RGPD4: variants seen among roughly 807,000 people sequenced by gnomAD.
RGPD4 encodes RANBP2 like and GRIP domain containing 4.
Under a neutral mutation model 141.1 loss-of-function variants are expected in RGPD4, and 84 were observed. The ratio of observed to expected loss-of-function variants is 0.60; its 90% CI spans 0.50 to 0.71. RGPD4 has a LOEUF of 0.71. Ranked by LOEUF, RGPD4 falls within the 30% of genes least tolerant of loss-of-function variation. The pLI, the probability that RGPD4 is intolerant of heterozygous loss-of-function variation, is 0.00. For missense variants in RGPD4, 918 were observed against 1,622.4 expected (o/e 0.57, Z 7.46); for synonymous variants, 298 against 566.8 (o/e 0.53, Z 6.74).
At chr2:107,888,856 G>A (rs1474511751) in intron 22 of RGPD4, among the ~76,000 whole-genome samples, 2 of 143,854 alleles carry the variant, frequency 1.4e-5, no homozygotes, top group Non-Finnish European at 3.0e-5. Flanking sequence ...GCCTTCAGAT[G>A]AGACCCCAGC....
intron 21 of RGPD4, among the ~76,000 whole-genome samples, chr2:107,882,256 T>C (rs930058963): frequency 5.3e-5 from 8 of 149,890 alleles, no homozygotes; most frequent in African/African-American, 2.0e-4. Flanking sequence ...TCTTCATCTG[T>C]TTCTCGTGAG....
intron 17 of RGPD4, 108 bp downstream of exon 17, chr2:107,863,140 A>G: frequency 1.4e-6 from 1 of 737,000 alleles, no homozygotes; most frequent in Non-Finnish European, 2.0e-6. Context: ...TGCCATCCAA[A>G]TAGTATGGCA....
intron 1 of RGPD4, among the ~76,000 whole-genome samples, chr2:107,829,763 C>G (rs560430281): frequency 2.6e-5 from 4 of 152,076 alleles, no homozygotes; most frequent in Admixed American, 6.5e-5. Context: ...TTGTTCCCGA[C>G]GGTGCTCGCT....
chr2:107,887,410 C>G (rs892882187), intron 22 of RGPD4, among the ~76,000 whole-genome samples: 4 of 152,054 alleles, frequency 2.6e-5, no homozygotes, highest in African/African-American at 9.7e-5. Context: ...ATCATCAGCT[C>G]TAGATATAAA....
In RGPD4 at chr2:107,882,731, T is replaced by A. The variant is rs1675402740; in HGVS notation, c.5124T>A (p.Ala1708=). 6.2e-7 allele frequency: 1 copy of A among 1,611,550 alleles called. No homozygotes were observed. Among genetic ancestry groups the A allele is most frequent in the African/African-American group, 1.3e-5 (1 of 74,514 alleles). ...ERNQEQEESA[A]NVEHLKNVLL... ...ATCAAGAGCAAGAGGAGTCTGCAGC[T>A]AACGTGGAACACTTGAAGAACGTCT... The change falls in exon 22 of 23, where the codon GCT becomes GCA. Residue 1708 remains alanine, a synonymous_variant. Coordinates refer to ENST00000408999, the MANE Select transcript of RGPD4 (RefSeq NM_182588.3).
chr2:107,884,392 G>GTAAT (rs1675453909), intron 22 of RGPD4, among the ~76,000 whole-genome samples: 1 of 151,874 alleles, frequency 6.6e-6, no homozygotes, highest in Non-Finnish European at 1.5e-5. Context: ...GAGACACCAC[G>GTAAT]CCCGGCCATT....
rs749670054 is a variant in RGPD4 at position 107,827,116 on chromosome 2, C to A, written c.72+31C>A. 2.6e-6 allele frequency: 4 copies of A among 1,567,220 alleles called. No individual in the cohort carries two copies. The East Asian group carries it at 9.5e-5, about 37-fold the overall frequency. Reference sequence around the variant, plus strand: ...TGGATCTCGAAGAGACCGACGGCCTCGACCTGGCCGGGCGGCGGAGGCCTC... The same window carrying A: ...TGGATCTCGAAGAGACCGACGGCCTAGACCTGGCCGGGCGGCGGAGGCCTC... On this transcript the variant is annotated intron_variant, in intron 1 of 22. Transcript: ENST00000408999.
At chr2:107,855,508 A>AT (rs1279436014) in intron 8 of RGPD4, among the ~76,000 whole-genome samples, 41 of 150,974 alleles carry the variant, frequency 2.7e-4, no homozygotes, top group Middle Eastern at 3.4e-3. Context: ...AATTGCCTGT[A>AT]TTTTTTTTTA....
At chr2:107,830,519 G>A (rs1659892) in intron 1 of RGPD4, among the ~76,000 whole-genome samples, 105,756 of 151,864 alleles carry the variant, frequency 0.7, 37,620 homozygotes, top group Middle Eastern at 0.78. Context: ...GGTTATTATG[G>A]CACCTCTCTT....
At position 107,872,014 on chromosome 2, in the gene RGPD4, C is replaced by G. The variant is rs1668334870; in HGVS notation, c.4010C>G (p.Pro1337Arg). 2 of 1,611,362 alleles carry G rather than the reference C, an allele frequency of 1.2e-6. No individual in the cohort carries two copies. Among genetic ancestry groups the G allele is most frequent in the South Asian group, 1.1e-5 (1 of 90,980 alleles). ...EEERDGQYFEPVVPLPDLVEV... is the reference protein window; with the variant it reads ...EEERDGQYFERVVPLPDLVEV... Reference sequence around the variant, plus strand: ...GAGAGAGATGGACAGTACTTTGAACCTGTTGTTCCTTTACCTGATCTAGTT... The same window carrying G: ...GAGAGAGATGGACAGTACTTTGAACGTGTTGTTCCTTTACCTGATCTAGTT... Residue 1337 changes from proline to arginine, a missense_variant, in exon 20 of 23, where the codon CCT becomes CGT. Coordinates refer to ENST00000408999, the MANE Select transcript of RGPD4 (RefSeq NM_182588.3).
chr2:107,884,059 A>G (rs1675441021), intron 22 of RGPD4, among the ~76,000 whole-genome samples: 1 of 151,760 alleles, frequency 6.6e-6, no homozygotes. Context: ...AGTATCCTAA[A>G]TAGGGCTCAT....
Position 107,869,871 on chromosome 2 carries a change from T to C in RGPD4, c.2606-12T>C, listed in dbSNP as rs1167049526. 11 of 1,360,690 alleles carry C rather than the reference T, an allele frequency of 8.1e-6. No homozygotes were observed. Among genetic ancestry groups the C allele is most frequent in the Admixed American group, 2.1e-5 (1 of 46,844 alleles). The allele number at this position is 1,360,690 out of a possible 1,614,324, so 84.3% of individuals were successfully genotyped here. On this transcript the variant is annotated splice_polypyrimidine_tract_variant and intron_variant, in intron 18 of 22. Coordinates refer to ENST00000408999, the MANE Select transcript of RGPD4 (RefSeq NM_182588.3). ...TAACAGTGTTTTCTTTCTTTTCTTTTTTTTTTTTTAGTTGCAACTACTGGC... is the reference window on the plus strand; with the variant it reads ...TAACAGTGTTTTCTTTCTTTTCTTTCTTTTTTTTTAGTTGCAACTACTGGC...
At chr2:107,876,974 C>G (rs1451545901) in intron 20 of RGPD4, among the ~76,000 whole-genome samples, 190 of 149,844 alleles carry the variant, frequency 1.3e-3, no homozygotes, top group African/African-American at 4.5e-3. Context: ...GATTACAATT[C>G]TGGTTTCTAA....
chr2:107,886,054 C>CA lies in RGPD4; in HGVS notation c.5266+3197dup, dbSNP rs199917332. On this transcript the variant is annotated intron_variant, in intron 22 of 22. Coordinates refer to ENST00000408999, the MANE Select transcript of RGPD4 (RefSeq NM_182588.3). ...AGCAACAAGATCAAAACTCTTATCT[C>CA]AAAAAAAAAAAAAAAAGTAAACTAC... Among the ~76,000 whole-genome samples the CA allele has an allele frequency of 9.9e-4, 126 of 126,960 alleles. 1 individual carries two copies. Among genetic ancestry groups the CA allele is most frequent in the East Asian group, 6.9e-3 (27 of 3,922 alleles). The allele number at this position is 126,960 out of a possible 152,430, so 83.3% of individuals were successfully genotyped here.
rs866160496 is a variant in RGPD4 at position 107,829,210 on chromosome 2, T to C, written c.72+2125T>C. On this transcript the variant is annotated intron_variant, in intron 1 of 22. Transcript: ENST00000408999. ...CCGGCCCGGCGGCGGCCTCCATGGCTCAGGCGTCATGGCTCCCGACGGGCG... is the reference window on the plus strand; with the variant it reads ...CCGGCCCGGCGGCGGCCTCCATGGCCCAGGCGTCATGGCTCCCGACGGGCG... Among the ~76,000 whole-genome samples, 10 of 18,692 alleles carry C rather than the reference T, an allele frequency of 5.3e-4. 2 individuals carry two copies. The highest frequency in any genetic ancestry group is 2.3e-3 in the African/African-American group (9 of 3,976). The allele number at this position is 18,692 out of a possible 152,430, so 12.3% of individuals were successfully genotyped here. A position where few individuals can be genotyped will look rare whatever the true frequency, so the allele number is the denominator to read the frequency against.
At chr2:107,830,531 C>A (rs1243144191) in intron 1 of RGPD4, among the ~76,000 whole-genome samples, 10 of 152,258 alleles carry the variant, frequency 6.6e-5, no homozygotes, top group Admixed American at 4.6e-4. Context: ...ACCTCTCTTA[C>A]ACTTAGAGTC....
chr2:107,886,016 G>A (rs982406179), intron 22 of RGPD4, among the ~76,000 whole-genome samples: 1 of 148,948 alleles, frequency 6.7e-6, no homozygotes, highest in Non-Finnish European at 1.5e-5. Flanking sequence ...TGGTGCCATT[G>A]CACTCCAGCC....
Position 107,856,922 on chromosome 2 carries a change from T to C in RGPD4, c.1229T>C (p.Ile410Thr). Residue 410 changes from isoleucine (I) to threonine (T), a missense_variant, in exon 9 of 23, where the codon ATT becomes ACT. Transcript: ENST00000408999. ...SFLGSDDIGN[I>T]DVQEPELEDL... ...CTTGGTAGCGATGATATTGGAAACATTGATGTACAAGAACCAGAGCTTGAA... is the reference window on the plus strand; with the variant it reads ...CTTGGTAGCGATGATATTGGAAACACTGATGTACAAGAACCAGAGCTTGAA... 2.0e-6 allele frequency: 1 copy of C among 511,488 alleles called. No homozygotes were observed. The highest frequency in any genetic ancestry group is 3.3e-6 in the Non-Finnish European group (1 of 307,322). 31.7% of individuals were successfully genotyped at this position (511,488 alleles called of 1,614,324 possible). A position where few individuals can be genotyped will look rare whatever the true frequency, so the allele number is the denominator to read the frequency against.
chr2:107,854,513 A>T (rs1276652008), intron 7 of RGPD4, 43 bp from the exon 8 acceptor site: 1 of 930,260 alleles, frequency 1.1e-6, no homozygotes, highest in South Asian at 1.7e-5. Context: ...TATTAGAAGT[A>T]TGGGTATCAT....
Sources: allele counts gnomAD v4.1 joint callset (sites outside exome capture counted in the v4.1 genomes callset), GRCh38; gene constraint gnomAD v4.1.1; transcripts MANE v1.5; gene names NCBI Gene and HGNC (gene_info 2026-07-23, HGNC 2026-07-21).